PDE6B: variants seen among roughly 807,000 people sequenced by gnomAD.
PDE6B encodes the protein phosphodiesterase 6B.
PDE6B carries 106 observed loss-of-function variants against 109.0 expected under a neutral mutation model. The observed-to-expected ratio is 0.97, with a 90% CI of 0.83 to 1.14. The LOEUF (loss-of-function observed/expected upper bound fraction) is 1.14, where lower values mean the gene tolerates loss of function less well. PDE6B is among the 50% of genes most tolerant of loss of function. The pLI is 0.00. For synonymous variants in PDE6B, 490 were observed against 471.3 expected (o/e 1.04, Z -0.51); for missense variants, 1,193 against 1,155.6 (o/e 1.03, Z -0.47).
chr4:634,723 C>G lies in PDE6B; in HGVS notation c.515C>G (p.Thr172Arg). 1 of 1,612,642 alleles carries G rather than the reference C, an allele frequency of 6.2e-7. No homozygotes were observed. The highest frequency in any genetic ancestry group is 8.5e-7 in the Non-Finnish European group (1 of 1,178,612). Residue 172 changes from threonine to arginine, a missense_variant, in exon 2 of 22, where the codon ACA becomes AGA. Thr to Arg is a moderately conservative substitution (Grantham distance 71, BLOSUM62 -1). Coordinates refer to ENST00000496514, the MANE Select transcript of PDE6B (RefSeq NM_000283.4). ...GCTGACGAGCTCACTGACTACAAGA[C>G]AAAGAATATGCTGGCCACACCCATC... Reference protein sequence around the residue: ...SFADELTDYKTKNMLATPIMN... With the variant: ...SFADELTDYKRKNMLATPIMN...
In PDE6B at chr4:625,806, G is replaced by A; in HGVS notation, c.180G>A (p.Leu60=). The stretch of plus-strand genomic sequence containing the variant: ...AGGTGGAGGAGAGCACGGCGCTGCT[G>A]GAGCTGGTGCAGGATATGCAGGAGA... ...LCQVEESTAL[L]ELVQDMQESI... Residue 60 remains leucine (L), a synonymous_variant, in exon 1 of 22, where the codon CTG becomes CTA. Transcript: ENST00000496514. This position sits in a 1 kb window ranked among gnomAD's most constrained non-coding sequence, Gnocchi z 5.0. 6.2e-7 allele frequency: 1 copy of A among 1,613,290 alleles called. No individual in the cohort carries two copies. Among genetic ancestry groups the A allele is most frequent in the Non-Finnish European group, 8.5e-7 (1 of 1,179,934 alleles).
rs1024565555 is a variant in PDE6B, at chr4:626,998, C to T, written c.468+904C>T. Among the ~76,000 whole-genome samples, 1 of 152,226 alleles carries T rather than the reference C, an allele frequency of 6.6e-6. No individual in the cohort carries two copies. The highest frequency in any genetic ancestry group is 2.4e-5 in the African/African-American group (1 of 41,456). On this transcript the variant is annotated intron_variant, in intron 1 of 21. Transcript: ENST00000496514. The surrounding 1 kb of genome is among the most constrained non-coding windows in gnomAD (Gnocchi z 4.6). ...CTTCCTCTCCCCTTTTCTGTCCCCA[C>T]AGCTAAGGAGGCTGCAAGAGGCCCA...
intron 21 of PDE6B, 33 bp from the exon 22 acceptor site, chr4:670,013 G>A: frequency 6.4e-7 from 1 of 1,574,758 alleles, no homozygotes; most frequent in Non-Finnish European, 8.7e-7. Flanking sequence ...TGCACAGGTG[G>A]TTCCACTCAC....
chr4:627,558 A>T (rs1419757517), intron 1 of PDE6B, among the ~76,000 whole-genome samples: 2 of 152,048 alleles, frequency 1.3e-5, no homozygotes, highest in Non-Finnish European at 2.9e-5. Context: ...GAAGTGGGGC[A>T]CCCACAAATC....
chr4:644,966 T>C (rs1735128952), intron 3 of PDE6B, among the ~76,000 whole-genome samples: 1 of 152,108 alleles, frequency 6.6e-6, no homozygotes, highest in African/African-American at 2.4e-5. Flanking sequence ...TTTTGCTTCA[T>C]GTGTTTCGAA....
chr4:634,626 C>A (rs1374738326), intron 1 of PDE6B, 51 bp from the exon 2 acceptor site: 1 of 1,504,180 alleles, frequency 6.6e-7, no homozygotes, highest in Non-Finnish European at 9.3e-7. Flanking sequence ...GGTGCGGGCT[C>A]CAGGCCCACG....
chr4:669,864 T>C (rs901549775), intron 21 of PDE6B, among the ~76,000 whole-genome samples, 182 bp from the exon 22 acceptor site: 7 of 152,058 alleles, frequency 4.6e-5, no homozygotes, highest in African/African-American at 1.7e-4. Flanking sequence ...CAGGGCACAG[T>C]GTCAACAGAG....
rs746179590 is a variant in PDE6B at position 668,002 on chromosome 4, G to C, written c.2499G>C (p.Lys833Asn). The C allele has an allele frequency of 5.6e-6, 9 of 1,611,712 alleles. No individual in the cohort carries two copies. The highest frequency in any genetic ancestry group is 5.1e-6 in the Non-Finnish European group (6 of 1,179,460). The part of the protein sequence containing the change: ...EKEEEERVAA[K>N]KVGTEICNGG... ...AGGAGGAGGAGAGGGTGGCAGCCAAGAAAGGTCTGGCTCTGTGTGGCCTGT... is the reference window on the plus strand; with the variant it reads ...AGGAGGAGGAGAGGGTGGCAGCCAACAAAGGTCTGGCTCTGTGTGGCCTGT... The change falls in exon 21 of 22, where the codon AAG (lysine) becomes AAC (asparagine). Residue 833 changes from lysine (K) to asparagine (N), a missense_variant. Physicochemically the swap from Lys to Asn is moderately conservative, Grantham distance 94 (BLOSUM62 0). Coordinates refer to ENST00000496514, the MANE Select transcript of PDE6B (RefSeq NM_000283.4).
In PDE6B at chr4:670,413, T is replaced by G. The variant is rs957135033; in HGVS notation, c.*306T>G. The G allele has an allele frequency of 4.2e-5, 15 of 353,364 alleles. No individual in the cohort carries two copies. The highest frequency in any genetic ancestry group is 3.2e-4 in the African/African-American group (15 of 46,952). 21.9% of individuals were successfully genotyped at this position (353,364 alleles called of 1,614,324 possible). A position where few individuals can be genotyped will look rare whatever the true frequency, so the allele number is the denominator to read the frequency against. ...GCCCACCACCACACATGGCTAATTT[T>G]TGTATTTTCAGTACAGATGGGGTTT... On this transcript the variant is annotated 3_prime_UTR_variant, in exon 22 of 22. Coordinates refer to ENST00000496514, the MANE Select transcript of PDE6B (RefSeq NM_000283.4).
At chr4:637,900 C>A (rs551937028) in intron 3 of PDE6B, among the ~76,000 whole-genome samples, 1 of 152,354 alleles carries the variant, frequency 6.6e-6, no homozygotes, top group Admixed American at 6.5e-5. Flanking sequence ...AGCTGTCCTC[C>A]GCACAGGCAC....
At chr4:649,275 A>G (rs984550757) in intron 3 of PDE6B, among the ~76,000 whole-genome samples, 15 of 152,168 alleles carry the variant, frequency 9.9e-5, no homozygotes, top group African/African-American at 2.4e-4. Context: ...CATAATGGCT[A>G]TGTTTAATGG....
In PDE6B at chr4:664,098, T is replaced by C. The variant is rs755489038; in HGVS notation, c.2022-16T>C. 5 of 1,558,140 alleles carry C rather than the reference T, an allele frequency of 3.2e-6. No individual in the cohort carries two copies. In the Admixed American group the frequency reaches 8.3e-5, roughly 26 times the overall value. On this transcript the variant is annotated splice_polypyrimidine_tract_variant and intron_variant, in intron 16 of 21. Transcript: ENST00000496514. ...CACTTGCTCCCACCTGCACCTCCCT[T>C]GTTCCCTGGGTTCAGGAAGAGAGCG...
At position 656,311 on chromosome 4, in the gene PDE6B, G is replaced by A. The variant is rs1183136686; in HGVS notation, c.1107+19G>A. On this transcript the variant is annotated intron_variant, in intron 8 of 21. Coordinates refer to ENST00000496514, the MANE Select transcript of PDE6B (RefSeq NM_000283.4). The stretch of plus-strand genomic sequence containing the variant: ...ATTTCAGGTATCTGTCTGTGCCTTG[G>A]TAGAAATTATACTTACTTACAAAAG... 2 of 1,450,014 alleles carry A rather than the reference G, an allele frequency of 1.4e-6. No homozygotes were observed. Among genetic ancestry groups the A allele is most frequent in the East Asian group, 4.5e-5 (2 of 44,186 alleles). 89.8% of individuals were successfully genotyped at this position (1,450,014 alleles called of 1,614,324 possible).
chr4:657,308 C>A (rs185013195), intron 9 of PDE6B, 43 bp from the exon 10 acceptor site: 1 of 1,610,254 alleles, frequency 6.2e-7, no homozygotes, highest in Non-Finnish European at 8.5e-7. Flanking sequence ...GGAGGGGGCG[C>A]GCCGGGAGCG....
chr4:658,911 T>C (rs1390798891), intron 10 of PDE6B, 41 bp from the exon 11 acceptor site: 9 of 1,475,744 alleles, frequency 6.1e-6, no homozygotes, highest in Non-Finnish European at 8.5e-6. Context: ...TTGTCCCACA[T>C]GCGAAGCTCT....
Position 663,923 on chromosome 4 carries a change from C to T in PDE6B, c.2021+53C>T. On this transcript the variant is annotated intron_variant, in intron 16 of 21. Coordinates refer to ENST00000496514, the MANE Select transcript of PDE6B (RefSeq NM_000283.4). This position sits in a 1 kb window ranked among gnomAD's most constrained non-coding sequence, Gnocchi z 4.0. ...CGCGGGGCGGGCGGGTAGCCTGGGACCCCCGGCAGACACGGGGGCGCAGCG... is the reference window on the plus strand; with the variant it reads ...CGCGGGGCGGGCGGGTAGCCTGGGATCCCCGGCAGACACGGGGGCGCAGCG... 1 of 1,365,552 alleles carries T rather than the reference C, an allele frequency of 7.3e-7. No individual in the cohort carries two copies. The highest frequency in any genetic ancestry group is 1.8e-4 in the Middle Eastern group (1 of 5,590). 84.6% of individuals were successfully genotyped at this position (1,365,552 alleles called of 1,614,324 possible).
At position 626,152 on chromosome 4, in the gene PDE6B, G is replaced by A. The variant is rs1460638573; in HGVS notation, c.468+58G>A. 2 of 1,047,016 alleles carry A rather than the reference G, an allele frequency of 1.9e-6. No individual in the cohort carries two copies. The highest frequency in any genetic ancestry group is 1.6e-5 in the African/African-American group (1 of 63,520). The allele number at this position is 1,047,016 out of a possible 1,614,324, so 64.9% of individuals were successfully genotyped here. On this transcript the variant is annotated intron_variant, in intron 1 of 21. Transcript: ENST00000496514. This position sits in a 1 kb window ranked among gnomAD's most constrained non-coding sequence, Gnocchi z 4.6. ...GTGTGCATCTCTTGCACCTGTCCCA[G>A]GTGTCTAAGGGTCAGCTCGGATCCT...
chr4:664,949 G>A lies in PDE6B; in HGVS notation c.2193+5G>A, dbSNP rs576895229. On this transcript the variant is annotated splice_donor_5th_base_variant and intron_variant, in intron 18 of 21. Coordinates refer to ENST00000496514, the MANE Select transcript of PDE6B (RefSeq NM_000283.4). ...CCCTGGGAAGTCCAGAGCAAGGTTAGAACAGAGGGCCCTCCAGACCCAGAG... is the reference window on the plus strand; with the variant it reads ...CCCTGGGAAGTCCAGAGCAAGGTTAAAACAGAGGGCCCTCCAGACCCAGAG... The A allele has an allele frequency of 3.4e-5, 55 of 1,609,696 alleles. 1 individual carries two copies. The East Asian group carries it at 4.0e-4, about 12-fold the overall frequency.
intron 17 of PDE6B, among the ~76,000 whole-genome samples, chr4:664,644 C>T (rs1207498133): frequency 3.3e-5 from 5 of 152,064 alleles, no homozygotes; most frequent in African/African-American, 7.2e-5. Context: ...GGTGAAACCC[C>T]GTCTCTACCG....
Sources: allele counts gnomAD v4.1 joint callset (sites outside exome capture counted in the v4.1 genomes callset), GRCh38; gene constraint gnomAD v4.1.1; non-coding constraint Gnocchi (gnomAD v3.1); transcripts MANE v1.5; gene names NCBI Gene and HGNC (gene_info 2026-07-23, HGNC 2026-07-21).